The following NARS1 variants were observed in gnomAD, a reference collection of about 807,000 sequenced individuals.
NARS1 encodes the protein asparagine--tRNA ligase, cytoplasmic.
In NARS1, 65 loss-of-function variants were observed where a neutral mutation model predicts 79.2. The observed-to-expected ratio is 0.82, with a 90% confidence interval of 0.67 to 1.01. The LOEUF is 1.01. Among genes scored for constraint, NARS1 ranks in the 50% least tolerant of loss-of-function variants. The pLI is 0.00. For synonymous variants in NARS1, 229 were observed against 238.8 expected, an observed-to-expected ratio of 0.96 and a Z score of 0.38; for missense variants, 649 against 673.8, an observed-to-expected ratio of 0.96 and a Z score of 0.41.
chr18:57,616,418 T>A (rs1180942048), intron 2 of NARS1, among the ~76,000 whole-genome samples: 2 of 134,762 alleles, frequency 1.5e-5, no homozygotes, highest in Admixed American at 7.8e-5. Flanking sequence ...AGACTCTGTC[T>A]CAAGAGAAAA....
intron 10 of NARS1, among the ~76,000 whole-genome samples, 196 bp from the exon 11 acceptor site, chr18:57,606,166 C>T (rs186167186): frequency 3.8e-4 from 58 of 151,440 alleles, no homozygotes; most frequent in Admixed American, 1.8e-3. Context: ...CTGGCCAACA[C>T]GGTAAAACCC....
chr18:57,606,888 A>T, intron 9 of NARS1, 137 bp from the exon 10 acceptor site: 2 of 1,113,602 alleles, frequency 1.8e-6, no homozygotes, highest in Non-Finnish European at 2.6e-6. Flanking sequence ...TTAGCTGTGG[A>T]CTCCCCTCTT....
At chr18:57,609,619 G>A (rs962853342) in intron 6 of NARS1, among the ~76,000 whole-genome samples, 176 bp from the exon 7 acceptor site, 1 of 151,960 alleles carries the variant, frequency 6.6e-6, no homozygotes, top group Non-Finnish European at 1.5e-5. Context: ...GAAGACAGAG[G>A]TTTATCTATA....
At chr18:57,610,673 G>A (rs996978571) in intron 6 of NARS1, among the ~76,000 whole-genome samples, 1 of 151,834 alleles carries the variant, frequency 6.6e-6, no homozygotes, top group Non-Finnish European at 1.5e-5. Flanking sequence ...TCCATAATGT[G>A]AGAAGTTCCA....
chr18:57,613,865 C>CA (rs201474910), intron 4 of NARS1, among the ~76,000 whole-genome samples, 185 bp from the exon 5 acceptor site: 74 of 151,208 alleles, frequency 4.9e-4, no homozygotes, highest in African/African-American at 1.6e-3. Flanking sequence ...TAAAACAAAA[C>CA]AAAAAAAAAT....
chr18:57,616,468 C>T (rs904313834), intron 2 of NARS1, among the ~76,000 whole-genome samples: 10 of 151,494 alleles, frequency 6.6e-5, no homozygotes, highest in Non-Finnish European at 1.5e-4. Flanking sequence ...AGCTGAAGCT[C>T]TGAGGTCCTC....
rs1487026830 is a variant in NARS1 at position 57,601,777 on chromosome 18, A to G, written c.1522T>C (p.Tyr508His). ...TATCCTCCATGGGGACATGTACCGTATTTTCTCTGTTTAAAAAAAGAAAGA... is the reference window on the plus strand; with the variant it reads ...TATCCTCCATGGGGACATGTACCGTGTTTTCTCTGTTTAAAAAAAGAAAGA... ...PYYWYTDQRK[Y>H]GTCPHGGYGL... Residue 508 changes from tyrosine (Y) to histidine (H), a missense_variant, in exon 14 of 14, where the codon TAC becomes CAC. Coordinates refer to ENST00000256854, the MANE Select transcript of NARS1 (RefSeq NM_004539.4). 1 of 1,613,054 alleles carries G rather than the reference A, an allele frequency of 6.2e-7. No homozygotes were observed. Among genetic ancestry groups the G allele is most frequent in the East Asian group, 2.2e-5 (1 of 44,866 alleles).
chr18:57,611,581 A>G (rs2051605076), intron 6 of NARS1, 56 bp downstream of exon 6: 1 of 1,165,288 alleles, frequency 8.6e-7, no homozygotes, highest in Non-Finnish European at 1.2e-6. Context: ...ACAAAACAAT[A>G]AAGGAATCTA....
chr18:57,616,928 G>A (rs564101994), intron 2 of NARS1, among the ~76,000 whole-genome samples: 32 of 119,174 alleles, frequency 2.7e-4, no homozygotes, highest in Middle Eastern at 0.014. Flanking sequence ...CAGCCTGGGC[G>A]ACAGAGAGAG....
chr18:57,614,664 T>C (rs1169106975), intron 4 of NARS1, among the ~76,000 whole-genome samples: 1 of 152,232 alleles, frequency 6.6e-6, no homozygotes, highest in Non-Finnish European at 1.5e-5. Flanking sequence ...ATGAAAATCA[T>C]AGATTTCAAC....
In NARS1 at chr18:57,607,286, T is replaced by C; in HGVS notation, c.849A>G (p.Thr283=). ...CCCCAAAATAGTCAAGCTTGAAGAG[T>C]GTGGCACCACCTTCTACTTGTGTTT... ...LVQTQVEGGA[T]LFKLDYFGEE... Residue 283 remains threonine, a synonymous_variant, in exon 9 of 14, where the codon ACA becomes ACG. Transcript: ENST00000256854. The C allele has an allele frequency of 2.5e-6, 4 of 1,614,056 alleles. No individual in the cohort carries two copies. The highest frequency in any genetic ancestry group is 1.1e-5 in the South Asian group (1 of 91,078).
intron 9 of NARS1, 179 bp downstream of exon 9, chr18:57,606,955 G>A: frequency 2.2e-6 from 2 of 920,234 alleles, no homozygotes; most frequent in Non-Finnish European, 3.2e-6. Context: ...TCAAGTCAAA[G>A]TGAAAAAAGA....
rs1568161493 is a variant in NARS1 at position 57,601,208 on chromosome 18, AT to A, written c.*443del. On this transcript the variant is annotated 3_prime_UTR_variant, in exon 14 of 14. Coordinates refer to ENST00000256854, the MANE Select transcript of NARS1 (RefSeq NM_004539.4). ...GATATTGCCAATTTCTTCCCCCAAG[AT>A]TTTTGTTTTAATTCATTGATGCAAT... 6.5e-6 allele frequency: 1 copy of A among 154,200 alleles called. No individual in the cohort carries two copies. Among genetic ancestry groups the A allele is most frequent in the East Asian group, 1.9e-4 (1 of 5,302 alleles). The allele number at this position is 154,200 out of a possible 1,614,324, so 9.6% of individuals were successfully genotyped here. A position where few individuals can be genotyped will look rare whatever the true frequency, so the allele number is the denominator to read the frequency against.
rs555487407 is a variant in NARS1, at chr18:57,614,182, A to T, written c.343-502T>A. Among the ~76,000 whole-genome samples, 4 of 152,290 alleles carry T rather than the reference A, an allele frequency of 2.6e-5. No individual in the cohort carries two copies. The East Asian group carries it at 7.7e-4, about 29-fold the overall frequency. ...CCAGCTCCATCACTAAGGAAATAAT[A>T]CAAAAATTCATCAGCAATAAGAACT... On this transcript the variant is annotated intron_variant, in intron 4 of 13. Transcript: ENST00000256854.
At chr18:57,606,446 A>G (rs1380971979) in intron 10 of NARS1, among the ~76,000 whole-genome samples, 170 bp downstream of exon 10, 2 of 151,952 alleles carry the variant, frequency 1.3e-5, no homozygotes, top group Non-Finnish European at 2.9e-5. Context: ...ATATAACTGA[A>G]AACATTATAA....
chr18:57,600,681 G>T lies in NARS1; in HGVS notation c.*971C>A, dbSNP rs2051496165. On this transcript the variant is annotated 3_prime_UTR_variant, in exon 14 of 14. Transcript: ENST00000256854. ...GAGTTTTTACGGGTGTTCATTTATT[G>T]ACTGCTGGGAATACAGCCTATTGAG... 1 of 152,180 alleles carries T rather than the reference G, an allele frequency of 6.6e-6. No homozygotes were observed. Among genetic ancestry groups the T allele is most frequent in the Non-Finnish European group, 1.5e-5 (1 of 68,040 alleles). The allele number at this position is 152,180 out of a possible 1,614,324, so 9.4% of individuals were successfully genotyped here.
rs1256361396 is a variant in NARS1, at chr18:57,620,755, A to T, written c.11-104T>A. The T allele has an allele frequency of 4.8e-6, 3 of 621,954 alleles. No homozygotes were observed. In the African/African-American group the frequency reaches 5.6e-5, roughly 12 times the overall value. 38.5% of individuals were successfully genotyped at this position (621,954 alleles called of 1,614,324 possible). On this transcript the variant is annotated intron_variant, in intron 1 of 13. Transcript: ENST00000256854. ...TTGTAAACAGAACAAGCATCGATTA[A>T]TAAAAATTGAGGTCCATAAGTAATT... is the stretch of plus-strand genomic sequence containing the variant.
chr18:57,602,657 T>C, intron 12 of NARS1, 155 bp downstream of exon 12: 1 of 1,199,516 alleles, frequency 8.3e-7, no homozygotes, highest in Middle Eastern at 2.0e-4. Flanking sequence ...CATGTCAACT[T>C]CAATCAGGGG....
rs536569272 is a variant in NARS1, at chr18:57,605,134, A to AAAAATAT, written c.1251+722_1251+723insATATTTT. Among the ~76,000 whole-genome samples the AAAAATAT allele has an allele frequency of 3.6e-4, 48 of 135,210 alleles. No individual in the cohort carries two copies. The South Asian group carries it at 3.6e-3, about 10-fold the overall frequency. 88.7% of individuals were successfully genotyped at this position (135,210 alleles called of 152,430 possible). A position where few individuals can be genotyped will look rare whatever the true frequency, so the allele number is the denominator to read the frequency against. On this transcript the variant is annotated intron_variant, in intron 11 of 13. Coordinates refer to ENST00000256854, the MANE Select transcript of NARS1 (RefSeq NM_004539.4). ...ATACATTCTCCAGAAAAAAAAAAAA[A>AAAAATAT]ATATATATATATATATATATCTATA...
Sources: allele counts gnomAD v4.1 joint callset (sites outside exome capture counted in the v4.1 genomes callset), GRCh38; gene constraint gnomAD v4.1.1; transcripts MANE v1.5; gene names NCBI Gene and HGNC (gene_info 2026-07-23, HGNC 2026-07-21).